Variants in VPS13D observed in about 807,000 individuals in gnomAD.
The protein encoded by VPS13D is vacuolar protein sorting 13 homolog D.
Under a neutral mutation model 461.9 loss-of-function variants are expected in VPS13D, and 187 were observed. The ratio of observed to expected loss-of-function variants is 0.40; its 90% CI spans 0.36 to 0.46. The LOEUF (loss-of-function observed/expected upper bound fraction) is 0.46. Ranked by LOEUF, VPS13D falls within the 20% of genes least tolerant of loss-of-function variation. The pLI, the probability that VPS13D is intolerant of heterozygous loss-of-function variation, is 0.60. For missense variants in VPS13D, 4,711 were observed against 5,364.9 expected (o/e 0.88, Z 3.81); for synonymous variants, 1,951 against 1,986.3 (o/e 0.98, Z 0.47).
intron 34 of VPS13D, among the ~76,000 whole-genome samples, chr1:12,323,467 C>T (rs1643097452): frequency 6.6e-6 from 1 of 151,800 alleles, no homozygotes; most frequent in Admixed American, 6.6e-5. Flanking sequence ...TAGACCTTCC[C>T]CCCCCACCCC....
chr1:12,409,565 TTATG>T (rs1030706437), intron 63 of VPS13D, among the ~76,000 whole-genome samples: 1 of 152,188 alleles, frequency 6.6e-6, no homozygotes, highest in Non-Finnish European at 1.5e-5. Context: ...TCTTGACACT[TTATG>T]TAAGGATAAA....
rs1205139529 is a variant in VPS13D at position 12,299,065 on chromosome 1, C to T, written c.6034-137C>T. The T allele has an allele frequency of 1.4e-6, 1 of 709,114 alleles. No individual in the cohort carries two copies. Among genetic ancestry groups the T allele is most frequent in the African/African-American group, 1.8e-5 (1 of 54,568 alleles). 43.9% of individuals were successfully genotyped at this position (709,114 alleles called of 1,614,324 possible). A position where few individuals can be genotyped will look rare whatever the true frequency, so the allele number is the denominator to read the frequency against. ...CTTGTTACTGACTTCCAGTTTAACTCCATGGTGGTCATAGAATATGCTCTG... is the reference window on the plus strand; with the variant it reads ...CTTGTTACTGACTTCCAGTTTAACTTCATGGTGGTCATAGAATATGCTCTG... On this transcript the variant is annotated intron_variant, in intron 24 of 69. Transcript: ENST00000620676. This position sits in a 1 kb window ranked among gnomAD's most constrained non-coding sequence, Gnocchi z 4.2.
chr1:12,448,040 G>C (rs1166984638), intron 65 of VPS13D, among the ~76,000 whole-genome samples: 1 of 152,150 alleles, frequency 6.6e-6, no homozygotes, highest in Non-Finnish European at 1.5e-5. Flanking sequence ...ATAACCCTTT[G>C]ATTTGTGTTT....
chr1:12,432,200 CCTGA>C lies in VPS13D; in HGVS notation c.12333+15376_12333+15379del, dbSNP rs568965959. Among the ~76,000 whole-genome samples the C allele has an allele frequency of 4.3e-3, 653 of 151,980 alleles. 1 individual carries two copies. The highest frequency in any genetic ancestry group is 7.4e-3 in the Non-Finnish European group (501 of 67,940). On this transcript the variant is annotated intron_variant, in intron 65 of 69. Coordinates refer to ENST00000620676, the MANE Select transcript of VPS13D (RefSeq NM_015378.4). ...CCTGAGGTCGGGAGTTCGAGATTAG[CCTGA>C]CTAACTTGGAGAAACCCCATCTCTA...
At chr1:12,490,854 C>T (rs1167448795) in intron 67 of VPS13D, among the ~76,000 whole-genome samples, 1 of 151,424 alleles carries the variant, frequency 6.6e-6, no homozygotes, top group African/African-American at 2.4e-5. Context: ...GCTACAGGTC[C>T]AAGACAGATG....
At chr1:12,312,042 G>GAGACGGC in intron 29 of VPS13D, 117 bp downstream of exon 29, 1 of 676,544 alleles carries the variant, frequency 1.5e-6, no homozygotes, top group South Asian at 2.9e-5. Flanking sequence ...AATGTTGTCT[G>GAGACGGC]CAGAGTGTCT....
chr1:12,322,025 A>G, intron 33 of VPS13D, 61 bp downstream of exon 33: 1 of 1,573,196 alleles, frequency 6.4e-7, no homozygotes, highest in Non-Finnish European at 8.6e-7. Flanking sequence ...CTATGCAGGC[A>G]CTCTTATTTG....
intron 26 of VPS13D, among the ~76,000 whole-genome samples, chr1:12,305,378 G>A (rs1334433599): frequency 2.0e-5 from 3 of 151,984 alleles, no homozygotes. Flanking sequence ...GAGCTCACTC[G>A]ATCCTCCCAC....
rs1412460114 is a variant in VPS13D at position 12,343,015 on chromosome 1, C to T, written c.8849C>T (p.Pro2950Leu). The change falls in exon 42 of 70, where the codon CCC (proline) becomes CTC (leucine). Residue 2950 changes from proline (P) to leucine (L), a missense_variant. Pro to Leu is a moderately conservative substitution (Grantham distance 98). This residue lies in a region of VPS13D where 4,411 missense variants were observed against 4,937.8 expected (regional missense o/e 0.89). Transcript: ENST00000620676. ...GAAGTCCTTACAGGTGAAGAGATTC[C>T]CTTTGAATTTGAAGCAAGAGGAAAG... ...WREVLTGEEI[P>L]FEFEARGKLR... is the part of the protein sequence containing the mutation. 6.2e-7 allele frequency: 1 copy of T among 1,612,642 alleles called. No homozygotes were observed.
chr1:12,402,876 T>C (rs1644598661), intron 62 of VPS13D, among the ~76,000 whole-genome samples: 2 of 152,206 alleles, frequency 1.3e-5, no homozygotes, highest in Admixed American at 1.3e-4. Flanking sequence ...GACTAAGGGG[T>C]TGCTTCCCAT....
intron 25 of VPS13D, among the ~76,000 whole-genome samples, chr1:12,303,978 TC>T (rs1160907809): frequency 1.3e-5 from 2 of 152,248 alleles, no homozygotes; most frequent in African/African-American, 4.8e-5. Flanking sequence ...AGCAGAAACA[TC>T]ATAGGAATGG....
At chr1:12,328,994 C>A (rs540321625) in intron 36 of VPS13D, among the ~76,000 whole-genome samples, 5 of 152,316 alleles carry the variant, frequency 3.3e-5, no homozygotes, top group Admixed American at 2.6e-4. Context: ...CTTGCCCTTT[C>A]CCTGAGCTTC....
chr1:12,354,363 A>G (rs1437500780), intron 47 of VPS13D, 142 bp downstream of exon 47: 1 of 1,105,288 alleles, frequency 9.0e-7, no homozygotes, highest in Non-Finnish European at 1.3e-6. Context: ...GAATCAGTGC[A>G]GTTAAAAAAA....
At chr1:12,321,785 G>T (rs762693544) in intron 32 of VPS13D, 24 bp from the exon 33 acceptor site, 2 of 1,583,068 alleles carry the variant, frequency 1.3e-6, no homozygotes, top group Non-Finnish European at 8.6e-7. Context: ...ATTAATTCTC[G>T]CCATATTGCA....
intron 67 of VPS13D, among the ~76,000 whole-genome samples, chr1:12,479,994 T>C (rs530513699): frequency 2.6e-5 from 4 of 152,306 alleles, no homozygotes; most frequent in East Asian, 1.9e-4. Flanking sequence ...AGGGCCTCTT[T>C]GGGCCAAACA....
intron 18 of VPS13D, among the ~76,000 whole-genome samples, chr1:12,274,441 T>C (rs924418025): frequency 3.3e-5 from 5 of 152,074 alleles, no homozygotes; most frequent in African/African-American, 1.2e-4. Flanking sequence ...CGACCCAAAG[T>C]GCTGGGATTA....
rs1342299346 is a variant in VPS13D, at chr1:12,308,495, A to G, written c.6504A>G (p.Ala2168=). ...TCCAGGACATGGACATCTTTGCTGC[A>G]GAGAGACATCCGAGAGAATACTCGA... ...VDLQDMDIFA[A]ERHPREYSKA... Residue 2168 remains alanine (A), a synonymous_variant, in exon 27 of 70, where the codon GCA becomes GCG. Transcript: ENST00000620676. The G allele has an allele frequency of 1.2e-6, 2 of 1,614,054 alleles. No homozygotes were observed. The highest frequency in any genetic ancestry group is 1.3e-5 in the African/African-American group (1 of 74,912).
intron 65 of VPS13D, among the ~76,000 whole-genome samples, chr1:12,423,033 A>G (rs1317294354): frequency 6.6e-6 from 1 of 152,134 alleles, no homozygotes; most frequent in Non-Finnish European, 1.5e-5. Context: ...GCAGGCCCTC[A>G]GGAAGTGCTG....
At chr1:12,465,859 G>A (rs1029674342) in intron 67 of VPS13D, among the ~76,000 whole-genome samples, 2 of 152,184 alleles carry the variant, frequency 1.3e-5, no homozygotes, top group Non-Finnish European at 2.9e-5. Context: ...CAAAGAGGCC[G>A]GGTGTGGTGG....
Sources: gnomAD v4.1 joint callset for allele counts (sites outside exome capture counted in the v4.1 genomes callset) on GRCh38, gnomAD v4.1.1 for gene constraint, gnomAD v4.1.1 regional missense constraint, Gnocchi (gnomAD v3.1) non-coding constraint, MANE v1.5 for transcripts, NCBI Gene and HGNC (gene_info 2026-07-23, HGNC 2026-07-21) for gene names.